Variants in TPO observed in about 807,000 individuals in gnomAD.
TPO encodes the protein thyroid microsomal antigen.
Under a neutral mutation model 96.9 loss-of-function variants are expected in TPO, and 78 were observed. The observed-to-expected ratio is 0.81, with a 90% CI of 0.67 to 0.97. The LOEUF (loss-of-function observed/expected upper bound fraction) is 0.97. TPO is among the 50% of genes least tolerant of loss of function. The pLI is 0.00. For synonymous variants in TPO, 547 were observed against 538.0 expected, an observed-to-expected ratio of 1.02 and a Z score of -0.23; for missense variants, 1,252 against 1,274.8, an observed-to-expected ratio of 0.98 and a Z score of 0.27.
chr2:1,383,054 C>A (rs1407559457), intron 1 of TPO, among the ~76,000 whole-genome samples: 1 of 152,038 alleles, frequency 6.6e-6, no homozygotes. Context: ...AGGACATGAA[C>A]TCATCATTTT....
At chr2:1,483,333 G>A (rs1169453217) in intron 8 of TPO, among the ~76,000 whole-genome samples, 1 of 152,204 alleles carries the variant, frequency 6.6e-6, no homozygotes, top group African/African-American at 2.4e-5. Context: ...GGCAAGAAGG[G>A]GAAGAGGTGT....
chr2:1,504,380 A>C (rs1673194077), intron 14 of TPO, among the ~76,000 whole-genome samples: 1 of 152,260 alleles, frequency 6.6e-6, no homozygotes, highest in South Asian at 2.1e-4. Context: ...ACCCCAGACA[A>C]AAAACCTATG....
At chr2:1,425,663 G>A (rs1209091417) in intron 3 of TPO, among the ~76,000 whole-genome samples, 1 of 152,040 alleles carries the variant, frequency 6.6e-6, no homozygotes, top group Non-Finnish European at 1.5e-5. Context: ...TGCTCCTTCT[G>A]TAAAGTCATT....
In TPO at chr2:1,496,756, C is replaced by T; in HGVS notation, c.2377C>T (p.Leu793Phe). The T allele has an allele frequency of 6.2e-7, 1 of 1,614,158 alleles. No individual in the cohort carries two copies. The highest frequency in any genetic ancestry group is 8.5e-7 in the Non-Finnish European group (1 of 1,180,034). The change falls in exon 13 of 17, where the codon CTC (leucine) becomes TTC (phenylalanine). Residue 793 changes from leucine to phenylalanine, a missense_variant. Leu to Phe is a conservative substitution (Grantham distance 22). Transcript: ENST00000329066. ...GGAAGGATGGGATTTCCAGCCTCCCCTCTGCAAAGGTCAGTCCTTTCTTCA... is the reference window on the plus strand; with the variant it reads ...GGAAGGATGGGATTTCCAGCCTCCCTTCTGCAAAGGTCAGTCCTTTCTTCA... ...TQEGWDFQPPLCKDVNECADG... is the reference protein window; with the variant it reads ...TQEGWDFQPPFCKDVNECADG...
intron 3 of TPO, among the ~76,000 whole-genome samples, chr2:1,432,434 T>C (rs1665073041): frequency 1.3e-5 from 2 of 152,124 alleles, no homozygotes; most frequent in South Asian, 4.1e-4. Flanking sequence ...GCTGAGAATC[T>C]AAAAAGGCCA....
At chr2:1,450,782 A>T (rs1384164520) in intron 5 of TPO, among the ~76,000 whole-genome samples, 1 of 152,184 alleles carries the variant, frequency 6.6e-6, no homozygotes, top group Non-Finnish European at 1.5e-5. Context: ...TTAAATTAAC[A>T]TTATTTTTAA....
intron 16 of TPO, 43 bp downstream of exon 16, chr2:1,540,766 G>GGTTGGACAGGATCT: frequency 6.2e-7 from 1 of 1,613,194 alleles, no homozygotes; most frequent in Non-Finnish European, 8.5e-7. Flanking sequence ...CCACCGCAGT[G>GGTTGGACAGGATCT]GTTGGACAGG....
At chr2:1,397,484 A>G (rs986767731) in intron 1 of TPO, among the ~76,000 whole-genome samples, 2 of 152,170 alleles carry the variant, frequency 1.3e-5, no homozygotes, top group Admixed American at 1.3e-4. Context: ...GCCGTGCTCC[A>G]GTGCAGAGGG....
At chr2:1,527,153 C>A (rs1316618788) in intron 15 of TPO, among the ~76,000 whole-genome samples, 9 of 137,702 alleles carry the variant, frequency 6.5e-5, no homozygotes, top group Non-Finnish European at 1.2e-4. Context: ...CAAATCCCCC[C>A]ACTCTGTGCA....
intron 14 of TPO, 64 bp downstream of exon 14, chr2:1,504,143 G>A (rs1181964643): frequency 1.9e-6 from 3 of 1,607,454 alleles, no homozygotes; most frequent in African/African-American, 1.3e-5. Flanking sequence ...GAAGAAAAGT[G>A]TGTTCAAGTT....
At chr2:1,409,553 G>A (rs964736749), upstream of TPO, among the ~76,000 whole-genome samples, 8 of 152,018 alleles carry the variant, frequency 5.3e-5, no homozygotes, top group South Asian at 2.1e-4. Flanking sequence ...CTCTATGCAC[G>A]GCCACAGCAC....
intron 10 of TPO, among the ~76,000 whole-genome samples, chr2:1,488,307 C>A (rs1416773658): frequency 6.6e-6 from 1 of 152,124 alleles, no homozygotes; most frequent in Non-Finnish European, 1.5e-5. Flanking sequence ...ATCTGGTATC[C>A]CGGGAAGCTC....
At chr2:1,473,635 CATTT>C (rs1291684065) in intron 7 of TPO, among the ~76,000 whole-genome samples, 2 of 152,168 alleles carry the variant, frequency 1.3e-5, no homozygotes, top group South Asian at 2.1e-4. Flanking sequence ...TTTATACATT[CATTT>C]AGAGAGAAAT....
At chr2:1,515,452 A>C (rs1674590259) in intron 14 of TPO, among the ~76,000 whole-genome samples, 1 of 152,212 alleles carries the variant, frequency 6.6e-6, no homozygotes, top group Non-Finnish European at 1.5e-5. Flanking sequence ...AGGAAAAGTC[A>C]TGAGGTGCAA....
At chr2:1,471,441 C>CG (rs111756020) in intron 7 of TPO, among the ~76,000 whole-genome samples, 5 of 120,768 alleles carry the variant, frequency 4.1e-5, no homozygotes, top group African/African-American at 1.9e-4. Flanking sequence ...TTTCCTGTGA[C>CG]CCCCCCCCAC....
chr2:1,512,372 T>C, intron 14 of TPO: 2 of 985,174 alleles, frequency 2.0e-6, no homozygotes, highest in Non-Finnish European at 2.4e-6. Context: ...GCCTGGACAC[T>C]GTCCATCTGC....
intron 2 of TPO, among the ~76,000 whole-genome samples, chr2:1,422,387 C>CCTCTCCTGGACCGA (rs1573110939): frequency 1.3e-5 from 2 of 150,322 alleles, no homozygotes; most frequent in Admixed American, 6.6e-5. Flanking sequence ...CGTGCAGGCG[C>CCTCTCCTGGACCGA]CGCGCTGGGC....
chr2:1,521,365 C>A (rs1675240374), intron 15 of TPO, among the ~76,000 whole-genome samples: 1 of 152,136 alleles, frequency 6.6e-6, no homozygotes, highest in Admixed American at 6.5e-5. Context: ...TCATTAGATT[C>A]ATAAGCGTGC....
chr2:1,525,614 G>C (rs1299221884), intron 15 of TPO, among the ~76,000 whole-genome samples: 21 of 72,420 alleles, frequency 2.9e-4, no homozygotes, highest in Admixed American at 6.2e-4. Flanking sequence ...TCCCCCCACT[G>C]TGTGCAACCT....
Sources: gnomAD v4.1 joint callset for allele counts (sites outside exome capture counted in the v4.1 genomes callset) on GRCh38, gnomAD v4.1.1 for gene constraint, MANE v1.5 for transcripts, NCBI Gene and HGNC (gene_info 2026-07-23, HGNC 2026-07-21) for gene names.